The following TRIM41 variants were observed in gnomAD, a reference collection of about 807,000 sequenced individuals.
TRIM41 encodes E3 ubiquitin-protein ligase TRIM41.
In TRIM41, 21 loss-of-function variants were observed where a neutral mutation model predicts 60.6. That is an observed-to-expected ratio of 0.35 (90% CI 0.25 to 0.50). The LOEUF (loss-of-function observed/expected upper bound fraction) is 0.50. Among genes scored for constraint, TRIM41 ranks in the 20% least tolerant of loss-of-function variants. TRIM41 has a pLI of 0.98. For missense variants in TRIM41, 846 were observed against 868.3 expected (o/e 0.97, Z 0.32); for synonymous variants, 407 against 344.9 (o/e 1.18, Z -2.00).
chr5:181,235,573 G>A lies in TRIM41; in HGVS notation c.*798G>A. Reference sequence around the variant, plus strand: ...CCTCTCCCCTTTGTTCAGTGGAGCTGGCTTTTCTCCCAGCCCCTTTCCATG... The same window carrying A: ...CCTCTCCCCTTTGTTCAGTGGAGCTAGCTTTTCTCCCAGCCCCTTTCCATG... On this transcript the variant is annotated 3_prime_UTR_variant, in exon 6 of 6. Transcript: ENST00000315073. 2.5e-6 allele frequency: 2 copies of A among 814,122 alleles called. No individual in the cohort carries two copies. Among genetic ancestry groups the A allele is most frequent in the East Asian group, 2.7e-5 (1 of 36,954 alleles). The allele number at this position is 814,122 out of a possible 1,614,324, so 50.4% of individuals were successfully genotyped here.
chr5:181,233,801 C>G lies in TRIM41; in HGVS notation c.1291+38C>G, dbSNP rs1183312660. On this transcript the variant is annotated intron_variant, in intron 5 of 5. Coordinates refer to ENST00000315073, the MANE Select transcript of TRIM41 (RefSeq NM_033549.5). The surrounding 1 kb of genome is among the most constrained non-coding windows in gnomAD (Gnocchi z 4.1). ...CCTCCACGACCTTCCTTTGCCTTTC[C>G]CTTCACAGACCTGAGACTGGGTCCT... The G allele has an allele frequency of 6.2e-7, 1 of 1,614,014 alleles. No homozygotes were observed. Among genetic ancestry groups the G allele is most frequent in the East Asian group, 2.2e-5 (1 of 44,882 alleles).
intron 3 of TRIM41, 62 bp downstream of exon 3, chr5:181,232,951 C>A: frequency 6.8e-7 from 1 of 1,473,826 alleles, no homozygotes; most frequent in South Asian, 1.2e-5. Context: ...CAGTGCTTAC[C>A]AAACGCCTGT....
rs1274873084 is a variant in TRIM41 at position 181,232,946 on chromosome 5, C to T, written c.1140+57C>T. 2.0e-6 allele frequency: 3 copies of T among 1,493,112 alleles called. No individual in the cohort carries two copies. In the South Asian group the frequency reaches 3.6e-5, roughly 18 times the overall value. The allele number at this position is 1,493,112 out of a possible 1,614,324, so 92.5% of individuals were successfully genotyped here. ...ATTCTGTGTTGGCTGTCAGGCAGTG[C>T]TTACCAAACGCCTGTCCAGAGCTGC... On this transcript the variant is annotated intron_variant, in intron 3 of 5. Transcript: ENST00000315073.
At position 181,235,157 on chromosome 5, in the gene TRIM41, TTC is replaced by T; in HGVS notation, c.*384_*385del. ...CCCTGCTCTTCAACCTCTTTATCAGTTCTGAGGCTGGAGGGTTTGGGCAAGGC... is the reference window on the plus strand; with the variant it reads ...CCCTGCTCTTCAACCTCTTTATCAGTTGAGGCTGGAGGGTTTGGGCAAGGC... On this transcript the variant is annotated 3_prime_UTR_variant, in exon 6 of 6. Transcript: ENST00000315073. 2 of 1,541,856 alleles carry T rather than the reference TTC, an allele frequency of 1.3e-6. No homozygotes were observed. The highest frequency in any genetic ancestry group is 2.4e-5 in the South Asian group (2 of 81,798).
In TRIM41 at chr5:181,234,832, G is replaced by A. The variant is rs1354280408; in HGVS notation, c.*57G>A. On this transcript the variant is annotated 3_prime_UTR_variant, in exon 6 of 6. Transcript: ENST00000315073. The surrounding 1 kb of genome is among the most constrained non-coding windows in gnomAD (Gnocchi z 5.6). Reference sequence around the variant, plus strand: ...AGCACTTGGGGGGTGGGTGGTGGAGGGTGGCCCGTAAGTTTGAGGGCTCAA... The same window carrying A: ...AGCACTTGGGGGGTGGGTGGTGGAGAGTGGCCCGTAAGTTTGAGGGCTCAA... 15 of 1,606,746 alleles carry A rather than the reference G, an allele frequency of 9.3e-6. No individual in the cohort carries two copies. The Admixed American group carries it at 1.8e-4, about 20-fold the overall frequency.
At position 181,223,891 on chromosome 5, in the gene TRIM41, G is replaced by T; in HGVS notation, c.-109G>T. The T allele has an allele frequency of 1.7e-6, 2 of 1,153,948 alleles. No individual in the cohort carries two copies. Among genetic ancestry groups the T allele is most frequent in the South Asian group, 2.9e-5 (2 of 68,552 alleles). The allele number at this position is 1,153,948 out of a possible 1,614,324, so 71.5% of individuals were successfully genotyped here. On this transcript the variant is annotated 5_prime_UTR_variant, in exon 1 of 6. Coordinates refer to ENST00000315073, the MANE Select transcript of TRIM41 (RefSeq NM_033549.5). ...TCTCTGGCTGCTCTTGGGGCGAGGTGTGGAGGGGCAGGGCTGGGGGTGGAG... is the reference window on the plus strand; with the variant it reads ...TCTCTGGCTGCTCTTGGGGCGAGGTTTGGAGGGGCAGGGCTGGGGGTGGAG...
rs763078774 is a variant in TRIM41 at position 181,230,714 on chromosome 5, G to A, written c.814-30G>A. On this transcript the variant is annotated intron_variant, in intron 1 of 5. Transcript: ENST00000315073. ...CTCTGAAGGGCAGGTGCCTCTCCCAGCCCCCACTTTTCTTTTTCTGTTTCC... is the reference window on the plus strand; with the variant it reads ...CTCTGAAGGGCAGGTGCCTCTCCCAACCCCCACTTTTCTTTTTCTGTTTCC... 7 of 1,599,060 alleles carry A rather than the reference G, an allele frequency of 4.4e-6. No homozygotes were observed. In the Admixed American group the frequency reaches 6.7e-5, roughly 15 times the overall value.
Position 181,233,309 on chromosome 5 carries a change from C to G in TRIM41, c.1141-104C>G. On this transcript the variant is annotated intron_variant, in intron 3 of 5. Coordinates refer to ENST00000315073, the MANE Select transcript of TRIM41 (RefSeq NM_033549.5). This position sits in a 1 kb window ranked among gnomAD's most constrained non-coding sequence, Gnocchi z 4.1. ...AGGGTGCTGCTTCTCCCTTCCTGCTCAGGTTCAGTCTCTGACTGGAGATCG... is the reference window on the plus strand; with the variant it reads ...AGGGTGCTGCTTCTCCCTTCCTGCTGAGGTTCAGTCTCTGACTGGAGATCG... The G allele has an allele frequency of 8.3e-7, 1 of 1,208,324 alleles. No homozygotes were observed. The highest frequency in any genetic ancestry group is 1.2e-6 in the Non-Finnish European group (1 of 818,588). 74.9% of individuals were successfully genotyped at this position (1,208,324 alleles called of 1,614,324 possible). A position where few individuals can be genotyped will look rare whatever the true frequency, so the allele number is the denominator to read the frequency against.
rs555265813 is a variant in TRIM41, at chr5:181,234,696, C to T, written c.1814C>T (p.Ser605Leu). The T allele has an allele frequency of 1.2e-5, 19 of 1,614,218 alleles. No individual in the cohort carries two copies. Among genetic ancestry groups the T allele is most frequent in the East Asian group, 4.5e-5 (2 of 44,880 alleles). ...AETLAHVHTF[S>L]AAFLGERVFP... is the part of the protein sequence containing the mutation. Reference sequence around the variant, plus strand: ...ACTCTAGCCCACGTGCACACCTTCTCGGCTGCCTTCCTGGGCGAGCGTGTC... The same window carrying T: ...ACTCTAGCCCACGTGCACACCTTCTTGGCTGCCTTCCTGGGCGAGCGTGTC... Residue 605 changes from serine (S) to leucine (L), a missense_variant, in exon 6 of 6, where the codon TCG becomes TTG. By Grantham distance (145) the Ser-to-Leu change is moderately radical (BLOSUM62 -2). Coordinates refer to ENST00000315073, the MANE Select transcript of TRIM41 (RefSeq NM_033549.5). This position sits in a 1 kb window ranked among gnomAD's most constrained non-coding sequence, Gnocchi z 5.6.
rs536439198 is a variant in TRIM41 at position 181,224,924 on chromosome 5, G to A, written c.813+112G>A. 6.2e-6 allele frequency: 9 copies of A among 1,455,390 alleles called. No homozygotes were observed. In the East Asian group the frequency reaches 2.1e-4, roughly 34 times the overall value. The allele number at this position is 1,455,390 out of a possible 1,614,324, so 90.2% of individuals were successfully genotyped here. A position where few individuals can be genotyped will look rare whatever the true frequency, so the allele number is the denominator to read the frequency against. ...CCCACCAAAGAACCTCATGGTATTG[G>A]TGAGCCAAGTTTGCTTATCTAAGCA... On this transcript the variant is annotated intron_variant, in intron 1 of 5. Coordinates refer to ENST00000315073, the MANE Select transcript of TRIM41 (RefSeq NM_033549.5).
chr5:181,230,371 C>A, intron 1 of TRIM41: 1 of 166,230 alleles, frequency 6.0e-6, no homozygotes, highest in Non-Finnish European at 1.3e-5. Context: ...GTGGTGGGCA[C>A]CTGTAGTACC....
Position 181,233,265 on chromosome 5 carries a change from G to A in TRIM41, c.1141-148G>A. On this transcript the variant is annotated intron_variant, in intron 3 of 5. Transcript: ENST00000315073. This position sits in a 1 kb window ranked among gnomAD's most constrained non-coding sequence, Gnocchi z 4.1. The stretch of plus-strand genomic sequence containing the variant: ...GGCATGGGGTGGTTGAAATGGATGT[G>A]TGTTCATTGAGGGCCGTGAGGGTGC... 5 of 856,150 alleles carry A rather than the reference G, an allele frequency of 5.8e-6. No homozygotes were observed. The highest frequency in any genetic ancestry group is 5.3e-5 in the South Asian group (4 of 75,462). The allele number at this position is 856,150 out of a possible 1,614,324, so 53.0% of individuals were successfully genotyped here. A position where few individuals can be genotyped will look rare whatever the true frequency, so the allele number is the denominator to read the frequency against.
rs781592709 is a variant in TRIM41 at position 181,230,770 on chromosome 5, A to G, written c.840A>G (p.Pro280=). ...YKAKLQGHVE[P]LRKHLEAVQK... ...CCAAACTGCAGGGGCACGTGGAACC[A>G]CTGAGGAAGCACCTGGAGGCAGTGC... is the stretch of plus-strand genomic sequence containing the variant. The change falls in exon 2 of 6, where the codon CCA becomes CCG. Residue 280 remains proline, a synonymous_variant. Transcript: ENST00000315073. The G allele has an allele frequency of 6.2e-7, 1 of 1,613,260 alleles. No individual in the cohort carries two copies. The highest frequency in any genetic ancestry group is 2.2e-5 in the East Asian group (1 of 44,824).
In TRIM41 at chr5:181,224,544, C is replaced by T. The variant is rs1259351118; in HGVS notation, c.545C>T (p.Thr182Ile). 1 of 1,613,248 alleles carries T rather than the reference C, an allele frequency of 6.2e-7. No homozygotes were observed. The highest frequency in any genetic ancestry group is 8.5e-7 in the Non-Finnish European group (1 of 1,179,268). Residue 182 changes from threonine to isoleucine, a missense_variant, in exon 1 of 6, where the codon ACA becomes ATA. Thr to Ile is a moderately conservative substitution (Grantham distance 89). Coordinates refer to ENST00000315073, the MANE Select transcript of TRIM41 (RefSeq NM_033549.5). ...PPPPAPRRCFTCPQCRKSFPR... is the reference protein window; with the variant it reads ...PPPPAPRRCFICPQCRKSFPR... ...CCTCCAGCCCCTCGGAGGTGCTTCA[C>T]ATGCCCTCAGTGCCGAAAGAGCTTT... is the stretch of plus-strand genomic sequence containing the variant.
intron 1 of TRIM41, chr5:181,225,110 G>C: frequency 4.2e-6 from 2 of 473,104 alleles, no homozygotes; most frequent in Non-Finnish European, 7.8e-6. Context: ...GTTTTCTTTC[G>C]GGTGAGTCTT....
chr5:181,229,003 G>T (rs1758679928), intron 1 of TRIM41: 1 of 149,784 alleles, frequency 6.7e-6, no homozygotes, highest in African/African-American at 2.5e-5. Flanking sequence ...AATTAATGGA[G>T]AAATTATTGA....
chr5:181,234,715 G>A lies in TRIM41; in HGVS notation c.1833G>A (p.Glu611=). The A allele has an allele frequency of 4.3e-6, 7 of 1,614,198 alleles. No individual in the cohort carries two copies. Among genetic ancestry groups the A allele is most frequent in the South Asian group, 2.2e-5 (2 of 91,092 alleles). The stretch of plus-strand genomic sequence containing the variant: ...CCTTCTCGGCTGCCTTCCTGGGCGA[G>A]CGTGTCTTTCCTTTCTTCCGGGTGC... ...VHTFSAAFLG[E]RVFPFFRVLS... is the part of the protein sequence containing the mutation. Residue 611 remains glutamate, a synonymous_variant, in exon 6 of 6, where the codon GAG becomes GAA. Coordinates refer to ENST00000315073, the MANE Select transcript of TRIM41 (RefSeq NM_033549.5). The surrounding 1 kb of genome is among the most constrained non-coding windows in gnomAD (Gnocchi z 5.6).
intron 1 of TRIM41, 53 bp downstream of exon 1, chr5:181,224,865 G>A (rs769044764): frequency 6.2e-7 from 1 of 1,610,274 alleles, no homozygotes; most frequent in Non-Finnish European, 8.5e-7. Context: ...TGGAGAGGAA[G>A]TAAGGGGACC....
intron 1 of TRIM41, chr5:181,227,901 G>C (rs1473570571): frequency 1.3e-5 from 2 of 151,704 alleles, no homozygotes; most frequent in African/African-American, 4.9e-5. Flanking sequence ...CTGAGTAGTA[G>C]CTGGGACTGG....
Sources: gnomAD v4.1 joint callset for allele counts on GRCh38, gnomAD v4.1.1 for gene constraint, Gnocchi (gnomAD v3.1) non-coding constraint, MANE v1.5 for transcripts, NCBI Gene and HGNC (gene_info 2026-07-23, HGNC 2026-07-21) for gene names.